The following CALCRL variants were observed in gnomAD, a reference collection of about 807,000 sequenced individuals.
The protein encoded by CALCRL is calcitonin receptor like receptor.
A neutral mutation model predicts 60.4 loss-of-function variants in CALCRL; 27 were observed. The ratio of observed to expected loss-of-function variants is 0.45; its 90% CI spans 0.33 to 0.62. The LOEUF (loss-of-function observed/expected upper bound fraction) is 0.62, where lower values mean the gene tolerates loss of function less well. CALCRL is among the 20% of genes least tolerant of loss of function. The pLI is 0.03. For missense variants in CALCRL, 424 were observed against 540.7 expected (o/e 0.78, Z 2.14); for synonymous variants, 190 against 182.6 (o/e 1.04, Z -0.33).
chr2:187,407,234 T>C (rs1445932763), intron 1 of CALCRL, among the ~76,000 whole-genome samples: 3 of 152,128 alleles, frequency 2.0e-5, no homozygotes, highest in African/African-American at 7.2e-5. Flanking sequence ...AATGAATAAA[T>C]ACATGAAATA....
At chr2:187,423,689 T>A (rs752726489) in intron 1 of CALCRL, among the ~76,000 whole-genome samples, 2 of 151,998 alleles carry the variant, frequency 1.3e-5, no homozygotes, top group African/African-American at 2.4e-5. Context: ...GTTTTCTGGA[T>A]CATTTATTGG....
chr2:187,352,356 C>T (rs1156877913), intron 12 of CALCRL, 24 bp from the exon 13 acceptor site: 1 of 1,337,986 alleles, frequency 7.5e-7, no homozygotes, highest in Admixed American at 1.8e-5. Flanking sequence ...TAAATGGCAT[C>T]TGAAAATCAT....
chr2:187,378,626 C>A (rs939218642), intron 8 of CALCRL, among the ~76,000 whole-genome samples: 3 of 152,066 alleles, frequency 2.0e-5, no homozygotes, highest in South Asian at 4.1e-4. Flanking sequence ...GCTAAACACA[C>A]AATTAAGAAG....
rs1686117981 is a variant in CALCRL, at chr2:187,342,205, A to C, written c.*3979T>G. Among the ~76,000 whole-genome samples, 1 of 151,774 alleles carries C rather than the reference A, an allele frequency of 6.6e-6. No homozygotes were observed. Among genetic ancestry groups the C allele is most frequent in the Non-Finnish European group, 1.5e-5 (1 of 67,750 alleles). On this transcript the variant is annotated 3_prime_UTR_variant, in exon 15 of 15. Transcript: ENST00000392370. ...GAATAGGGAAATCTGTTGAGACAGA[A>C]TGTAAATTAGTGATGTTTATAGCTG...
intron 14 of CALCRL, among the ~76,000 whole-genome samples, chr2:187,348,025 A>C (rs1242036272): frequency 6.6e-6 from 1 of 151,764 alleles, no homozygotes; most frequent in Non-Finnish European, 1.5e-5. Flanking sequence ...TATCTGAAGA[A>C]AACAATTTAT....
intron 3 of CALCRL, 25 bp from the exon 4 acceptor site, chr2:187,385,656 TA>T (rs1183478192): frequency 5.3e-6 from 6 of 1,139,368 alleles, no homozygotes; most frequent in Non-Finnish European, 6.3e-6. Context: ...AAAAGAAATA[TA>T]ATTCATCAAT....
chr2:187,361,069 A>G (rs955440579), intron 9 of CALCRL, among the ~76,000 whole-genome samples: 2 of 152,098 alleles, frequency 1.3e-5, no homozygotes, highest in Admixed American at 6.6e-5. Context: ...AGTGTCACAC[A>G]TAAATAACTT....
At chr2:187,374,848 C>T (rs1574243991) in intron 8 of CALCRL, among the ~76,000 whole-genome samples, 3 of 152,174 alleles carry the variant, frequency 2.0e-5, no homozygotes, top group African/African-American at 7.2e-5. Context: ...TCATGACCCA[C>T]TGTAAACACA....
chr2:187,410,468 G>T (rs1055721541), intron 1 of CALCRL, among the ~76,000 whole-genome samples: 6 of 152,146 alleles, frequency 3.9e-5, no homozygotes, highest in African/African-American at 1.4e-4. Flanking sequence ...GTGGAAATAT[G>T]CAGGTGAGGG....
intron 4 of CALCRL, among the ~76,000 whole-genome samples, chr2:187,384,866 GA>G (rs922553939): frequency 1.4e-4 from 22 of 152,160 alleles, no homozygotes; most frequent in African/African-American, 5.1e-4. Flanking sequence ...TTGAGGTAGA[GA>G]AAAACATGGG....
At chr2:187,440,434 G>T (rs936476275) in intron 1 of CALCRL, among the ~76,000 whole-genome samples, 3 of 152,124 alleles carry the variant, frequency 2.0e-5, no homozygotes, top group African/African-American at 7.2e-5. Context: ...CTACATCATA[G>T]TTAGATTTAA....
chr2:187,439,488 A>G (rs753012089), intron 1 of CALCRL, among the ~76,000 whole-genome samples: 3 of 148,738 alleles, frequency 2.0e-5, no homozygotes, highest in Non-Finnish European at 4.4e-5. Flanking sequence ...AACAAAACAA[A>G]ACAAACAAAC....
chr2:187,400,244 CA>C (rs1688833576), intron 1 of CALCRL, among the ~76,000 whole-genome samples: 1 of 150,870 alleles, frequency 6.6e-6, no homozygotes. Flanking sequence ...AATTGATGGG[CA>C]AAGGATCTAA....
intron 8 of CALCRL, among the ~76,000 whole-genome samples, chr2:187,372,300 C>T (rs535767042): frequency 1.3e-5 from 2 of 149,538 alleles, no homozygotes; most frequent in African/African-American, 2.4e-5. Context: ...TAATTTGTAA[C>T]TAATTCCAGT....
intron 3 of CALCRL, among the ~76,000 whole-genome samples, chr2:187,386,130 T>TATAGATAGATAG (rs891902396): frequency 7.7e-5 from 4 of 51,834 alleles, no homozygotes; most frequent in African/African-American, 3.1e-4. Context: ...AAAAACTTCT[T>TATAGATAGATAG]ATAGATAGAT....
chr2:187,346,341 A>G lies in CALCRL; in HGVS notation c.1229T>C (p.Phe410Ser), dbSNP rs1025180256. 21 of 1,612,448 alleles carry G rather than the reference A, an allele frequency of 1.3e-5. No individual in the cohort carries two copies. The highest frequency in any genetic ancestry group is 1.8e-5 in the Non-Finnish European group (21 of 1,179,012). ...NQYKIQFGNS[F>S]SNSEALRSAS... ...ACTACGAAGAGCTTCTGAGTTGGAA[A>G]AGCTGTTTCCAAATTGGATTTTGTA... The change falls in exon 15 of 15, where the codon TTT becomes TCT. Residue 410 changes from phenylalanine to serine, a missense_variant. Transcript: ENST00000392370.
intron 9 of CALCRL, 73 bp downstream of exon 9, chr2:187,363,303 T>C (rs1479423750): frequency 7.0e-7 from 1 of 1,431,262 alleles, no homozygotes; most frequent in Non-Finnish European, 9.5e-7. Context: ...TTATACACAT[T>C]ATGCATATAT....
At chr2:187,368,363 G>A (rs1433617757) in intron 8 of CALCRL, among the ~76,000 whole-genome samples, 1 of 151,954 alleles carries the variant, frequency 6.6e-6, no homozygotes, top group South Asian at 2.1e-4. Flanking sequence ...ATTAAAATAA[G>A]TATGTTTTAA....
intron 4 of CALCRL, among the ~76,000 whole-genome samples, chr2:187,384,914 A>G (rs1467133500): frequency 6.6e-6 from 1 of 152,316 alleles, no homozygotes; most frequent in South Asian, 2.1e-4. Context: ...AATTAAGTGT[A>G]TGAAGTATGT....
Sources: gnomAD v4.1 joint callset for allele counts (sites outside exome capture counted in the v4.1 genomes callset) on GRCh38, gnomAD v4.1.1 for gene constraint, MANE v1.5 for transcripts, NCBI Gene and HGNC (gene_info 2026-07-23, HGNC 2026-07-21) for gene names.